Variants in PDE1C observed in about 807,000 individuals in gnomAD.
PDE1C encodes the protein phosphodiesterase 1C.
Under a neutral mutation model 93.1 loss-of-function variants are expected in PDE1C, and 62 were observed. The observed-to-expected ratio is 0.67, with a 90% CI of 0.54 to 0.82. The LOEUF (loss-of-function observed/expected upper bound fraction) is 0.82. Among genes scored for constraint, PDE1C ranks in the 40% least tolerant of loss-of-function variants. PDE1C has a pLI of 0.00. For synonymous variants in PDE1C, 325 were observed against 310.1 expected (o/e 1.05, Z -0.50); for missense variants, 742 against 884.6 (o/e 0.84, Z 2.04).
chr7:32,064,339 T>C (rs1160631271), intron 1 of PDE1C, among the ~76,000 whole-genome samples: 2 of 152,200 alleles, frequency 1.3e-5, no homozygotes, highest in Non-Finnish European at 2.9e-5. Context: ...CTTATCTCCA[T>C]AGTCCCTAAC....
chr7:31,742,404 C>T, the PDE1C span, among the ~76,000 whole-genome samples: 7 of 152,182 alleles, frequency 4.6e-5, no homozygotes, highest in African/African-American at 1.2e-4. Flanking sequence ...ACATTTTAAC[C>T]GAATTCAAGC....
chr7:32,382,625 G>T (rs1339298243), intron 1 of PDE1C, among the ~76,000 whole-genome samples: 1 of 152,118 alleles, frequency 6.6e-6, no homozygotes, highest in African/African-American at 2.4e-5. Context: ...CTGTCCACAA[G>T]CCCCTACCAG....
intron 1 of PDE1C, among the ~76,000 whole-genome samples, chr7:32,059,802 T>C (rs1416662523): frequency 1.3e-5 from 2 of 152,220 alleles, no homozygotes; most frequent in South Asian, 2.1e-4. Flanking sequence ...GGAAAGGTTT[T>C]GAGAGAAAGA....
chr7:32,421,476 C>T (rs1262627679), intron 1 of PDE1C, among the ~76,000 whole-genome samples: 2 of 152,234 alleles, frequency 1.3e-5, no homozygotes, highest in Non-Finnish European at 2.9e-5. Flanking sequence ...GTGCCAAGTA[C>T]CTTGCATAAA....
intron 16 of PDE1C, 61 bp downstream of exon 16, chr7:31,808,970 T>G: frequency 1.0e-6 from 1 of 970,672 alleles, no homozygotes; most frequent in Non-Finnish European, 1.6e-6. Flanking sequence ...GGTATGATTC[T>G]AACAAGCTTA....
intron 1 of PDE1C, among the ~76,000 whole-genome samples, chr7:32,346,302 C>T (rs1228824691): frequency 1.3e-5 from 2 of 152,168 alleles, no homozygotes; most frequent in African/African-American, 2.4e-5. Context: ...ATCTAGGTAC[C>T]CAGTGCATGC....
At chr7:32,056,913 G>A (rs553524842) in intron 1 of PDE1C, among the ~76,000 whole-genome samples, 3 of 152,246 alleles carry the variant, frequency 2.0e-5, no homozygotes, top group African/African-American at 7.2e-5. Flanking sequence ...GCTAAGAGGA[G>A]AATGAGCTGA....
In PDE1C at chr7:32,004,236, A is replaced by T. The variant is rs62457490; in HGVS notation, c.128+47318T>A. On this transcript the variant is annotated intron_variant, in intron 2 of 17. Transcript: ENST00000396191. ...TTGTTTTACTGCCTATGAACACAAA[A>T]TGGCCCCCAAAAAACCTGAAAAAAA... is the stretch of plus-strand genomic sequence containing the variant. Among the ~76,000 whole-genome samples the T allele has an allele frequency of 8.1e-3, 1,176 of 145,526 alleles. 17 individuals are homozygous for T. Among genetic ancestry groups the T allele is most frequent in the African/African-American group, 0.029 (1,114 of 38,482 alleles).
intron 2 of PDE1C, among the ~76,000 whole-genome samples, chr7:31,987,780 A>G (rs574811665): frequency 1.3e-5 from 2 of 152,236 alleles, no homozygotes; most frequent in Non-Finnish European, 2.9e-5. Flanking sequence ...ATGATATCCA[A>G]TACAGAGCTG....
At chr7:31,996,273 C>A (rs535457796) in intron 2 of PDE1C, among the ~76,000 whole-genome samples, 231 of 142,170 alleles carry the variant, frequency 1.6e-3, no homozygotes, top group Admixed American at 3.0e-3. Flanking sequence ...CCCGCCCATA[C>A]CCCTCCAGCC....
the PDE1C span, among the ~76,000 whole-genome samples, chr7:31,619,683 G>T: frequency 6.6e-6 from 1 of 152,120 alleles, no homozygotes; most frequent in Admixed American, 6.5e-5. Context: ...GAGCCACGCA[G>T]AAGACGGGTG....
rs1794148230 is a variant in PDE1C at position 31,857,319 on chromosome 7, T to C, written c.751-6578A>G. Among the ~76,000 whole-genome samples, 3 of 152,160 alleles carry C rather than the reference T, an allele frequency of 2.0e-5. No individual in the cohort carries two copies. In the South Asian group the frequency reaches 6.2e-4, roughly 32 times the overall value. ...TTTTCCTTACTAACAATGTCTCTGA[T>C]TTTGTTTGAGATGGCAGTGTGTCAG... On this transcript the variant is annotated intron_variant, in intron 7 of 17. Coordinates refer to ENST00000396191, the MANE Select transcript of PDE1C (RefSeq NM_001191057.4).
At chr7:32,253,244 A>T (rs1809521460) in intron 1 of PDE1C, among the ~76,000 whole-genome samples, 1 of 152,236 alleles carries the variant, frequency 6.6e-6, no homozygotes, top group East Asian at 1.9e-4. Context: ...CACATTTCCA[A>T]AAACAGTGAA....
At chr7:32,354,026 T>C (rs1585122168) in intron 1 of PDE1C, among the ~76,000 whole-genome samples, 1 of 152,332 alleles carries the variant, frequency 6.6e-6, no homozygotes, top group East Asian at 1.9e-4. Flanking sequence ...ACTTTTGGCA[T>C]ATTCATTCCG....
At chr7:31,628,583 C>G in the PDE1C span, among the ~76,000 whole-genome samples, 16 of 151,922 alleles carry the variant, frequency 1.1e-4, no homozygotes, top group Non-Finnish European at 2.9e-5. Context: ...TCAGCCTCCC[C>G]AGCAGCTGGG....
intron 2 of PDE1C, among the ~76,000 whole-genome samples, chr7:32,206,699 C>A (rs1025585303): frequency 1.3e-5 from 2 of 152,214 alleles, no homozygotes; most frequent in Admixed American, 6.5e-5. Context: ...CCATGCAGTA[C>A]CCACATGAGG....
At chr7:32,150,280 A>G (rs962227565) in intron 3 of PDE1C, among the ~76,000 whole-genome samples, 15 of 152,150 alleles carry the variant, frequency 9.9e-5, no homozygotes, top group Admixed American at 2.0e-4. Flanking sequence ...TGTTACTCAC[A>G]CTGTGTAAGA....
At chr7:31,884,985 CTT>C (rs1562969415) in intron 2 of PDE1C, among the ~76,000 whole-genome samples, 1 of 152,136 alleles carries the variant, frequency 6.6e-6, no homozygotes, top group Non-Finnish European at 1.5e-5. Flanking sequence ...AACTGCTCTT[CTT>C]TGTTTTCCTA....
chr7:32,024,945 GTGATGTCTT>G (rs1363909659), intron 2 of PDE1C, among the ~76,000 whole-genome samples: 1 of 152,112 alleles, frequency 6.6e-6, no homozygotes, highest in Non-Finnish European at 1.5e-5. Flanking sequence ...CACTGGAAAA[GTGATGTCTT>G]CAAGTACCAG....
Sources: gnomAD v4.1 joint callset for allele counts (sites outside exome capture counted in the v4.1 genomes callset) on GRCh38, gnomAD v4.1.1 for gene constraint, MANE v1.5 for transcripts, NCBI Gene and HGNC (gene_info 2026-07-23, HGNC 2026-07-21) for gene names.